HPSE2: variants seen among roughly 807,000 people sequenced by gnomAD.
The protein encoded by HPSE2 is heparanase 2 (inactive).
A neutral mutation model predicts 60.5 loss-of-function variants in HPSE2; 38 were observed. The ratio of observed to expected loss-of-function variants is 0.63; its 90% CI spans 0.48 to 0.82. The LOEUF (loss-of-function observed/expected upper bound fraction) is 0.82. Ranked by LOEUF, HPSE2 falls within the 40% of genes least tolerant of loss-of-function variation. The pLI is 0.00. For missense variants in HPSE2, 713 were observed against 740.4 expected (o/e 0.96, Z 0.43); for synonymous variants, 295 against 293.2 (o/e 1.01, Z -0.06).
chr10:98,536,458 C>T (rs990128082), intron 9 of HPSE2, among the ~76,000 whole-genome samples: 1 of 152,174 alleles, frequency 6.6e-6, no homozygotes, highest in Non-Finnish European at 1.5e-5. Context: ...CCTGATGGTC[C>T]TTCCTTCTGA....
chr10:99,165,237 C>A lies in HPSE2; in HGVS notation c.449-20838G>T, dbSNP rs1168597017. 6.6e-5 allele frequency among the ~76,000 whole-genome samples: 10 copies of A among 152,162 alleles called. No individual in the cohort carries two copies. In the South Asian group the frequency reaches 2.1e-3, roughly 32 times the overall value. On this transcript the variant is annotated intron_variant, in intron 2 of 11. Coordinates refer to ENST00000370552, the MANE Select transcript of HPSE2 (RefSeq NM_021828.5). The stretch of plus-strand genomic sequence containing the variant: ...ACAAAGTAGTTTCAGAATTGCTAAC[C>A]CATACTCCTTTAAGAAACATATTTA...
chr10:98,482,860 G>A (rs558320108), intron 10 of HPSE2, 78 bp from the exon 11 acceptor site: 1 of 1,484,820 alleles, frequency 6.7e-7, no homozygotes, highest in Non-Finnish European at 9.4e-7. Context: ...TTTATAGACT[G>A]TACAAAATAT....
chr10:99,301,443 T>A, the HPSE2 span, among the ~76,000 whole-genome samples: 1 of 152,192 alleles, frequency 6.6e-6, no homozygotes, highest in Non-Finnish European at 1.5e-5. Flanking sequence ...TGGGGGTATG[T>A]GCTTACTCCT....
At chr10:98,615,604 C>T (rs1945884933) in intron 8 of HPSE2, among the ~76,000 whole-genome samples, 1 of 152,190 alleles carries the variant, frequency 6.6e-6, no homozygotes, top group Non-Finnish European at 1.5e-5. Flanking sequence ...ATGCCACCAT[C>T]ACACATATTT....
intron 3 of HPSE2, among the ~76,000 whole-genome samples, chr10:98,935,400 G>GT (rs1256771809): frequency 7.0e-6 from 1 of 143,722 alleles, no homozygotes; most frequent in Non-Finnish European, 1.5e-5. Flanking sequence ...TTTTGCATTG[G>GT]TTTTTCCTCA....
chr10:99,284,721 C>A, the HPSE2 span, among the ~76,000 whole-genome samples: 4 of 151,950 alleles, frequency 2.6e-5, no homozygotes, highest in Non-Finnish European at 5.9e-5. Context: ...TTCAGGGGTA[C>A]GAATGTAGGT....
chr10:99,200,661 T>G (rs2133883759), intron 2 of HPSE2, among the ~76,000 whole-genome samples: 1 of 122,428 alleles, frequency 8.2e-6, no homozygotes, highest in South Asian at 3.0e-4. Flanking sequence ...TTAATAAGTA[T>G]CATCAATAAT....
intron 3 of HPSE2, among the ~76,000 whole-genome samples, chr10:99,030,190 G>A (rs991979606): frequency 5.9e-5 from 9 of 152,170 alleles, no homozygotes; most frequent in East Asian, 1.9e-4. Flanking sequence ...AATGATATTC[G>A]CATATAATCG....
intron 3 of HPSE2, among the ~76,000 whole-genome samples, chr10:98,844,538 T>G (rs1256203048): frequency 1.3e-5 from 2 of 152,154 alleles, no homozygotes; most frequent in African/African-American, 4.8e-5. Context: ...GAGACAAAGA[T>G]AGAGAAATAT....
chr10:99,044,743 A>G (rs1299393022), intron 3 of HPSE2, among the ~76,000 whole-genome samples: 2 of 152,216 alleles, frequency 1.3e-5, no homozygotes, highest in Admixed American at 1.3e-4. Flanking sequence ...TAAGTTTTAA[A>G]CCAGTATAAA....
Position 98,597,970 on chromosome 10 carries a change from C to CAAAA in HPSE2, c.1320+16930_1320+16933dup, listed in dbSNP as rs571184082. Among the ~76,000 whole-genome samples, 44 of 55,152 alleles carry CAAAA rather than the reference C, an allele frequency of 8.0e-4. 4 individuals carry two copies. The highest frequency in any genetic ancestry group is 2.6e-3 in the African/African-American group (40 of 15,150). 36.2% of individuals were successfully genotyped at this position (55,152 alleles called of 152,430 possible). On this transcript the variant is annotated intron_variant, in intron 9 of 11. Coordinates refer to ENST00000370552, the MANE Select transcript of HPSE2 (RefSeq NM_021828.5). ...TGGGTGACAGAGTGAGACTCCATCTCAAAAAAAAAAAAAAAAAAAAAAAAA... is the reference window on the plus strand; with the variant it reads ...TGGGTGACAGAGTGAGACTCCATCTCAAAAAAAAAAAAAAAAAAAAAAAAAAAAA...
chr10:98,985,813 G>T (rs1001698019), intron 3 of HPSE2, among the ~76,000 whole-genome samples: 3 of 151,558 alleles, frequency 2.0e-5, no homozygotes, highest in Non-Finnish European at 4.4e-5. Context: ...CAAGCAAACG[G>T]AAAACAAAAA....
intron 3 of HPSE2, among the ~76,000 whole-genome samples, chr10:98,904,533 C>T (rs1014375758): frequency 2.6e-5 from 4 of 152,114 alleles, no homozygotes; most frequent in Non-Finnish European, 4.4e-5. Context: ...ATTCAGTGAG[C>T]ACAATATCTT....
the HPSE2 span, among the ~76,000 whole-genome samples, chr10:99,284,146 T>C: frequency 6.6e-6 from 1 of 152,264 alleles, no homozygotes; most frequent in Admixed American, 6.5e-5. Context: ...CCAGCAAGCA[T>C]ATTAAATGCT....
At chr10:98,624,824 C>T (rs1946164483) in intron 7 of HPSE2, among the ~76,000 whole-genome samples, 1 of 152,154 alleles carries the variant, frequency 6.6e-6, no homozygotes, top group Non-Finnish European at 1.5e-5. Flanking sequence ...ACAGGAAGAT[C>T]CTGAGAGTTA....
the HPSE2 span, among the ~76,000 whole-genome samples, chr10:99,240,971 T>G: frequency 4.6e-5 from 7 of 152,226 alleles, no homozygotes; most frequent in Non-Finnish European, 7.3e-5. Flanking sequence ...ACTGCCTGTA[T>G]ACCCAACTAT....
chr10:98,623,501 A>T (rs1197440403), intron 7 of HPSE2, among the ~76,000 whole-genome samples: 1 of 152,190 alleles, frequency 6.6e-6, no homozygotes, highest in East Asian at 1.9e-4. Flanking sequence ...TATGTGAATT[A>T]TATCTCAGTA....
intron 3 of HPSE2, among the ~76,000 whole-genome samples, chr10:99,060,334 C>T (rs1958208890): frequency 6.6e-6 from 1 of 152,004 alleles, no homozygotes; most frequent in Non-Finnish European, 1.5e-5. Context: ...CTAAATTTAA[C>T]AACTATCTAC....
At position 99,051,097 on chromosome 10, in the gene HPSE2, C is replaced by T. The variant is rs145647897; in HGVS notation, c.610+93141G>A. ...AAAAAATATATATCACTGGTGAAAC[C>T]CCGTCTCTGCTAAAAAGACAGAAAA... On this transcript the variant is annotated intron_variant, in intron 3 of 11. Coordinates refer to ENST00000370552, the MANE Select transcript of HPSE2 (RefSeq NM_021828.5). Among the ~76,000 whole-genome samples, 749 of 151,896 alleles carry T rather than the reference C, an allele frequency of 4.9e-3. 6 individuals are homozygous for T. Among genetic ancestry groups the T allele is most frequent in the African/African-American group, 0.017 (690 of 41,364 alleles).
Sources: gnomAD v4.1 joint callset for allele counts (sites outside exome capture counted in the v4.1 genomes callset) on GRCh38, gnomAD v4.1.1 for gene constraint, MANE v1.5 for transcripts, NCBI Gene and HGNC (gene_info 2026-07-23, HGNC 2026-07-21) for gene names.